FHIT: variants seen among roughly 807,000 people sequenced by gnomAD.
FHIT encodes the protein fragile histidine triad diadenosine triphosphatase.
A neutral mutation model predicts 17.9 loss-of-function variants in FHIT; 19 were observed. That is an observed-to-expected ratio of 1.06 (90% CI 0.74 to 1.56). FHIT has a LOEUF of 1.56. Among genes scored for constraint, FHIT ranks in the 40% most tolerant of loss-of-function variants. The pLI is 0.00. For synonymous variants in FHIT, 81 were observed against 69.7 expected, an observed-to-expected ratio of 1.16 and a Z score of -0.81; for missense variants, 248 against 189.2, an observed-to-expected ratio of 1.31 and a Z score of -1.82.
At chr3:60,863,274 T>C (rs1277427633) in intron 3 of FHIT, among the ~76,000 whole-genome samples, 2 of 152,188 alleles carry the variant, frequency 1.3e-5, no homozygotes, top group Admixed American at 1.3e-4. Flanking sequence ...AAGAACCAAA[T>C]TCTGTCAATA....
intron 1 of FHIT, among the ~76,000 whole-genome samples, 162 bp downstream of exon 1, chr3:61,251,139 C>G (rs528634755): frequency 9.8e-5 from 15 of 152,332 alleles, no homozygotes; most frequent in African/African-American, 3.4e-4. Flanking sequence ...AGTCCCCACC[C>G]TGAGACCCTC....
At chr3:59,982,034 A>C (rs1451619421) in intron 7 of FHIT, among the ~76,000 whole-genome samples, 1 of 149,134 alleles carries the variant, frequency 6.7e-6, no homozygotes, top group Admixed American at 6.8e-5. Flanking sequence ...GTATTCTTTG[A>C]CCACTAAGCA....
intron 8 of FHIT, among the ~76,000 whole-genome samples, chr3:59,905,585 A>G (rs1704549139): frequency 6.6e-6 from 1 of 152,180 alleles, no homozygotes; most frequent in South Asian, 2.1e-4. Flanking sequence ...GTAACAATAA[A>G]CTCAGATTTT....
intron 4 of FHIT, among the ~76,000 whole-genome samples, chr3:60,571,687 A>G (rs1027285602): frequency 6.6e-5 from 10 of 152,176 alleles, no homozygotes; most frequent in African/African-American, 2.4e-4. Flanking sequence ...TGGATTCAAA[A>G]GAAATACAAT....
At chr3:60,031,141 G>C (rs1431520556) in intron 5 of FHIT, among the ~76,000 whole-genome samples, 1 of 152,182 alleles carries the variant, frequency 6.6e-6, no homozygotes, top group Non-Finnish European at 1.5e-5. Flanking sequence ...AGTCAACAGA[G>C]AAATGTTGTT....
intron 2 of FHIT, among the ~76,000 whole-genome samples, chr3:61,108,502 G>A (rs2106878641): frequency 6.6e-6 from 1 of 152,286 alleles, no homozygotes; most frequent in South Asian, 2.1e-4. Context: ...ATTACAGTAT[G>A]TTTGGCAGTG....
intron 8 of FHIT, 102 bp downstream of exon 8, chr3:59,922,244 C>T: frequency 9.5e-7 from 1 of 1,047,518 alleles, no homozygotes; most frequent in East Asian, 2.4e-5. Context: ...AATAGAATTC[C>T]ATTTCAGACC....
At chr3:59,895,312 T>G (rs1034015527) in intron 8 of FHIT, among the ~76,000 whole-genome samples, 1 of 152,260 alleles carries the variant, frequency 6.6e-6, no homozygotes, top group African/African-American at 2.4e-5. Context: ...GTATCTTCAG[T>G]GCCTAGCACA....
In FHIT at chr3:60,509,382, A is replaced by G. The variant is rs181904836; in HGVS notation, c.103+27478T>C. ...GCTTTCCAATCTTGTGTACTATTAC[A>G]TAAGTAGAAGCTGATTCTCAGATAA... On this transcript the variant is annotated intron_variant, in intron 5 of 9. Transcript: ENST00000492590. Among the ~76,000 whole-genome samples, 855 of 152,334 alleles carry G rather than the reference A, an allele frequency of 5.6e-3. 10 individuals are homozygous for G. Among genetic ancestry groups the G allele is most frequent in the Middle Eastern group, 0.014 (4 of 294 alleles).
At chr3:60,605,840 G>A (rs11719227) in intron 4 of FHIT, among the ~76,000 whole-genome samples, 1 of 152,172 alleles carries the variant, frequency 6.6e-6, no homozygotes, top group Non-Finnish European at 1.5e-5. Context: ...CAGGGGATGG[G>A]AGAGGAGGAA....
chr3:59,988,863 G>C (rs1045095727), intron 7 of FHIT, among the ~76,000 whole-genome samples: 1 of 152,070 alleles, frequency 6.6e-6, no homozygotes, highest in Non-Finnish European at 1.5e-5. Flanking sequence ...AGGAAACAGG[G>C]GCAAAGCTCT....
intron 3 of FHIT, among the ~76,000 whole-genome samples, chr3:61,002,960 G>A (rs2031197886): frequency 6.6e-6 from 1 of 152,002 alleles, no homozygotes; most frequent in African/African-American, 2.4e-5. Context: ...TCTTGACCCT[G>A]GCCCACCTCT....
At chr3:61,089,789 T>C (rs965365579) in intron 2 of FHIT, among the ~76,000 whole-genome samples, 6 of 152,280 alleles carry the variant, frequency 3.9e-5, no homozygotes, top group East Asian at 1.9e-4. Context: ...GTAGAAACTA[T>C]AAGAAGAGAG....
intron 8 of FHIT, among the ~76,000 whole-genome samples, chr3:59,771,390 AG>A (rs1272572391): frequency 9.2e-5 from 14 of 152,236 alleles, no homozygotes; most frequent in African/African-American, 3.4e-4. Flanking sequence ...TTTTTAAAAA[AG>A]ACAATTCTCC....
At chr3:60,993,138 G>A (rs142436416) in intron 3 of FHIT, among the ~76,000 whole-genome samples, 1 of 152,188 alleles carries the variant, frequency 6.6e-6, no homozygotes, top group African/African-American at 2.4e-5. Flanking sequence ...ATGGTTCAGA[G>A]TTTTTCTGCA....
At chr3:60,689,418 A>G (rs2040936879) in intron 4 of FHIT, among the ~76,000 whole-genome samples, 1 of 152,224 alleles carries the variant, frequency 6.6e-6, no homozygotes, top group Non-Finnish European at 1.5e-5. Context: ...TTTACACTGC[A>G]TTAGGTATTA....
At chr3:61,014,485 T>C (rs142430641) in intron 3 of FHIT, among the ~76,000 whole-genome samples, 4 of 151,934 alleles carry the variant, frequency 2.6e-5, no homozygotes, top group Non-Finnish European at 5.9e-5. Flanking sequence ...TAAAAATATA[T>C]ATACGTACAT....
At chr3:60,749,021 C>T (rs1312784459) in intron 4 of FHIT, among the ~76,000 whole-genome samples, 1 of 151,848 alleles carries the variant, frequency 6.6e-6, no homozygotes, top group Non-Finnish European at 1.5e-5. Context: ...TGTATAACTA[C>T]CTTAGTAGGG....
intron 4 of FHIT, among the ~76,000 whole-genome samples, chr3:60,549,507 G>C (rs2036475846): frequency 6.6e-6 from 1 of 152,036 alleles, no homozygotes. Context: ...AAAGTATATT[G>C]AACTATTAAG....
Sources: allele counts gnomAD v4.1 joint callset (sites outside exome capture counted in the v4.1 genomes callset), GRCh38; gene constraint gnomAD v4.1.1; transcripts MANE v1.5; gene names NCBI Gene and HGNC (gene_info 2026-07-23, HGNC 2026-07-21).